H1-4: variants seen among roughly 807,000 people sequenced by gnomAD.
H1-4 encodes H1.4 linker histone, cluster member, also known as histone H1.4.
H1-4 carries 9 observed loss-of-function variants against 7.2 expected under a neutral mutation model. The observed-to-expected ratio is 1.25, with a 90% confidence interval of 0.75 to 2.18. The LOEUF (loss-of-function observed/expected upper bound fraction) is 2.18, where lower values mean the gene tolerates loss of function less well. Among genes scored for constraint, H1-4 ranks in the 30% most tolerant of loss-of-function variants. The probability of loss-of-function intolerance (pLI) is 0.00; values close to 1 mark genes in which losing one functional copy is unlikely to be tolerated. For synonymous variants in H1-4, 318 were observed against 126.6 expected (o/e 2.51, Z -10.15); for missense variants, 646 against 287.9 (o/e 2.24, Z -9.00).
Position 26,156,954 on chromosome 6 carries a change from A to G in H1-4, c.564A>G (p.Pro188=), listed in dbSNP as rs1328107627. 2.5e-6 allele frequency: 4 copies of G among 1,612,454 alleles called. No individual in the cohort carries two copies. The highest frequency in any genetic ancestry group is 2.2e-5 in the South Asian group (2 of 91,036). ...AAKPKKAPKS[P]AKAKAVKPKA... is the part of the protein sequence containing the mutation. Reference sequence around the variant, plus strand: ...AGCCAAAAAAGGCGCCCAAGAGCCCAGCGAAGGCCAAAGCAGTTAAACCCA... The same window carrying G: ...AGCCAAAAAAGGCGCCCAAGAGCCCGGCGAAGGCCAAAGCAGTTAAACCCA... The change falls in exon 1 of 1, where the codon CCA becomes CCG. Residue 188 remains proline, a synonymous_variant. Coordinates refer to ENST00000304218, the MANE Select transcript of H1-4 (RefSeq NM_005321.3).
Position 26,156,886 on chromosome 6 carries a change from G to A in H1-4, c.496G>A (p.Gly166Arg), listed in dbSNP as rs1214882457. The A allele has an allele frequency of 3.1e-6, 5 of 1,609,154 alleles. No individual in the cohort carries two copies. Among genetic ancestry groups the A allele is most frequent in the African/African-American group, 1.3e-5 (1 of 74,618 alleles). ...KKAKKPAAAA[G>R]AKKAKSPKKA... is the part of the protein sequence containing the mutation. ...GGCGAAGAAGCCGGCTGCAGCTGCT[G>A]GAGCCAAAAAAGCGAAAAGCCCGAA... Residue 166 changes from glycine to arginine, a missense_variant, in exon 1 of 1, where the codon GGA becomes AGA. Coordinates refer to ENST00000304218, the MANE Select transcript of H1-4 (RefSeq NM_005321.3).
In H1-4 at chr6:26,157,054, G is replaced by C. The variant is rs1279072658; in HGVS notation, c.*4G>C. The C allele has an allele frequency of 1.3e-6, 2 of 1,579,448 alleles. No homozygotes were observed. The highest frequency in any genetic ancestry group is 2.1e-5 in the Admixed American group (1 of 48,690). On this transcript the variant is annotated 3_prime_UTR_variant, in exon 1 of 1. Transcript: ENST00000304218. ...GGCGGCAGCCAAGAAAAAGTAGAAA[G>C]TTCCTTTGGCCAACTGCTTAGAAGC...
chr6:26,156,695 C>CG lies in H1-4; in HGVS notation c.308dup (p.Ser104PhefsTer16), dbSNP rs748822900. 3 of 1,614,236 alleles carry CG rather than the reference C, an allele frequency of 1.9e-6. No individual in the cohort carries two copies. The highest frequency in any genetic ancestry group is 2.5e-6 in the Non-Finnish European group (3 of 1,180,044). On this transcript the variant is annotated frameshift_variant, in exon 1 of 1. Transcript: ENST00000304218. LOFTEE classifies it high-confidence loss of function. Reference sequence around the variant, plus strand: ...GTGCAGACCAAGGGCACCGGCGCGTCGGGTTCCTTCAAACTCAACAAGAAG... The same window carrying CG: ...GTGCAGACCAAGGGCACCGGCGCGTCGGGGTTCCTTCAAACTCAACAAGAAG...
chr6:26,156,627 C>G lies in H1-4; in HGVS notation c.237C>G (p.Arg79=), dbSNP rs142100411. The G allele has an allele frequency of 1.9e-6, 3 of 1,614,254 alleles. No individual in the cohort carries two copies. The highest frequency in any genetic ancestry group is 2.5e-6 in the Non-Finnish European group (3 of 1,180,046). Residue 79 remains arginine, a synonymous_variant, in exon 1 of 1, where the codon CGC becomes CGG. Transcript: ENST00000304218. Reference sequence around the variant, plus strand: ...ATGACGTGGAGAAGAACAACAGCCGCATCAAGCTGGGTCTCAAGAGCCTGG... The same window carrying G: ...ATGACGTGGAGAAGAACAACAGCCGGATCAAGCTGGGTCTCAAGAGCCTGG... ...AGYDVEKNNS[R]IKLGLKSLVS...
At position 26,156,776 on chromosome 6, in the gene H1-4, A is replaced by G. The variant is rs747991651; in HGVS notation, c.386A>G (p.Lys129Arg). 1.2e-6 allele frequency: 2 copies of G among 1,612,916 alleles called. No individual in the cohort carries two copies. Among genetic ancestry groups the G allele is most frequent in the South Asian group, 1.1e-5 (1 of 91,040 alleles). The change falls in exon 1 of 1, where the codon AAG becomes AGG. Residue 129 changes from lysine to arginine, a missense_variant. Coordinates refer to ENST00000304218, the MANE Select transcript of H1-4 (RefSeq NM_005321.3). ...KAKKAGAAKA[K>R]KPAGAAKKPK... ...AAAAAGGCAGGCGCGGCCAAGGCCA[A>G]GAAGCCAGCAGGAGCGGCGAAGAAG...
rs35578662 is a variant in H1-4, at chr6:26,156,507, G to C, written c.117G>C (p.Pro39=). Residue 39 remains proline, a synonymous_variant, in exon 1 of 1, where the codon CCG becomes CCC. Coordinates refer to ENST00000304218, the MANE Select transcript of H1-4 (RefSeq NM_005321.3). ...GAAKRKASGP[P]VSELITKAVA... is the part of the protein sequence containing the mutation. ...CCAAGCGCAAAGCGTCTGGGCCCCC[G>C]GTGTCCGAGCTCATTACTAAAGCTG... 18 of 1,613,844 alleles carry C rather than the reference G, an allele frequency of 1.1e-5. No homozygotes were observed. The East Asian group carries it at 1.8e-4, about 16-fold the overall frequency.
In H1-4 at chr6:26,156,786, A is replaced by G. The variant is rs1561965775; in HGVS notation, c.396A>G (p.Ala132=). ...KAGAAKAKKP[A]GAAKKPKKAT... is the part of the protein sequence containing the mutation. The stretch of plus-strand genomic sequence containing the variant: ...GCGCGGCCAAGGCCAAGAAGCCAGC[A>G]GGAGCGGCGAAGAAGCCCAAGAAGG... The change falls in exon 1 of 1, where the codon GCA becomes GCG. Residue 132 remains alanine, a synonymous_variant. Transcript: ENST00000304218. The G allele has an allele frequency of 6.2e-7, 1 of 1,612,184 alleles. No homozygotes were observed. Among genetic ancestry groups the G allele is most frequent in the East Asian group, 2.2e-5 (1 of 44,816 alleles).
chr6:26,156,940 G>A lies in H1-4; in HGVS notation c.550G>A (p.Ala184Thr), dbSNP rs144800740. ...KKAKAAKPKK[A>T]PKSPAKAKAV... is the part of the protein sequence containing the mutation. ...GGCGAAAGCAGCCAAGCCAAAAAAGGCGCCCAAGAGCCCAGCGAAGGCCAA... is the reference window on the plus strand; with the variant it reads ...GGCGAAAGCAGCCAAGCCAAAAAAGACGCCCAAGAGCCCAGCGAAGGCCAA... The change falls in exon 1 of 1, where the codon GCG (alanine) becomes ACG (threonine). Residue 184 changes from alanine to threonine, a missense_variant. Physicochemically the swap from Ala to Thr is moderately conservative, Grantham distance 58 (BLOSUM62 0). Transcript: ENST00000304218. 7.1e-5 allele frequency: 114 copies of A among 1,612,272 alleles called. No homozygotes were observed. Among genetic ancestry groups the A allele is most frequent in the Non-Finnish European group, 9.2e-5 (109 of 1,179,860 alleles).
In H1-4 at chr6:26,157,087, A is replaced by G; in HGVS notation, c.*37A>G. On this transcript the variant is annotated 3_prime_UTR_variant, in exon 1 of 1. Coordinates refer to ENST00000304218, the MANE Select transcript of H1-4 (RefSeq NM_005321.3). ...GGCCAACTGCTTAGAAGCCCAACAC[A>G]ACCCAAAGGCTCTTTTCAGAGCCAC... The G allele has an allele frequency of 1.9e-6, 3 of 1,563,108 alleles. No individual in the cohort carries two copies. Among genetic ancestry groups the G allele is most frequent in the Non-Finnish European group, 1.7e-6 (2 of 1,164,358 alleles).
Position 26,156,863 on chromosome 6 carries a change from CGAA to C in H1-4, c.478_480del (p.Lys160del), listed in dbSNP as rs1027498524. On this transcript the variant is annotated inframe_deletion, in exon 1 of 1. Coordinates refer to ENST00000304218, the MANE Select transcript of H1-4 (RefSeq NM_005321.3). The stretch of plus-strand genomic sequence containing the variant: ...AGCGCCAAGAAGACCCCAAAGAAGG[CGAA>C]GAAGCCGGCTGCAGCTGCTGGAGCC... 4 of 1,607,146 alleles carry C rather than the reference CGAA, an allele frequency of 2.5e-6. No homozygotes were observed. The highest frequency in any genetic ancestry group is 1.7e-5 in the Admixed American group (1 of 58,554).
In H1-4 at chr6:26,156,534, T is replaced by A; in HGVS notation, c.144T>A (p.Val48=). 6.2e-7 allele frequency: 1 copy of A among 1,614,034 alleles called. No individual in the cohort carries two copies. Among genetic ancestry groups the A allele is most frequent in the East Asian group, 2.2e-5 (1 of 44,862 alleles). ...TGTCCGAGCTCATTACTAAAGCTGT[T>A]GCCGCCTCCAAGGAGCGCAGCGGCG... ...PPVSELITKA[V]AASKERSGVS... is the part of the protein sequence containing the mutation. Residue 48 remains valine (V), a synonymous_variant, in exon 1 of 1, where the codon GTT becomes GTA. Transcript: ENST00000304218.
Position 26,156,802 on chromosome 6 carries a change from C to T in H1-4, c.412C>T (p.Pro138Ser), listed in dbSNP as rs1581429398. ...AKKPAGAAKK[P>S]KKATGAATPK... Reference sequence around the variant, plus strand: ...GAAGCCAGCAGGAGCGGCGAAGAAGCCCAAGAAGGCGACGGGGGCGGCCAC... The same window carrying T: ...GAAGCCAGCAGGAGCGGCGAAGAAGTCCAAGAAGGCGACGGGGGCGGCCAC... The change falls in exon 1 of 1, where the codon CCC (proline) becomes TCC (serine). Residue 138 changes from proline to serine, a missense_variant. Pro to Ser is a moderately conservative substitution (Grantham distance 74, BLOSUM62 -1). Coordinates refer to ENST00000304218, the MANE Select transcript of H1-4 (RefSeq NM_005321.3). The T allele has an allele frequency of 1.9e-6, 3 of 1,609,942 alleles. No homozygotes were observed. Among genetic ancestry groups the T allele is most frequent in the Admixed American group, 1.7e-5 (1 of 59,092 alleles).
Position 26,156,520 on chromosome 6 carries a change from A to G in H1-4, c.130A>G (p.Ile44Val). The G allele has an allele frequency of 6.2e-7, 1 of 1,614,030 alleles. No homozygotes were observed. Among genetic ancestry groups the G allele is most frequent in the Non-Finnish European group, 8.5e-7 (1 of 1,179,996 alleles). ...GTCTGGGCCCCCGGTGTCCGAGCTC[A>G]TTACTAAAGCTGTTGCCGCCTCCAA... Reference protein sequence around the residue: ...KASGPPVSELITKAVAASKER... With the variant: ...KASGPPVSELVTKAVAASKER... Residue 44 changes from isoleucine to valine, a missense_variant, in exon 1 of 1, where the codon ATT becomes GTT. Transcript: ENST00000304218.
chr6:26,156,461 C>A lies in H1-4; in HGVS notation c.71C>A (p.Ala24Asp). 1.2e-6 allele frequency: 2 copies of A among 1,612,548 alleles called. No individual in the cohort carries two copies. Among genetic ancestry groups the A allele is most frequent in the Non-Finnish European group, 1.7e-6 (2 of 1,179,498 alleles). ...PAEKTPVKKK[A>D]RKSAGAAKRK... Reference sequence around the variant, plus strand: ...GAGAAGACTCCCGTGAAGAAGAAGGCCCGCAAGTCTGCAGGTGCGGCCAAG... The same window carrying A: ...GAGAAGACTCCCGTGAAGAAGAAGGACCGCAAGTCTGCAGGTGCGGCCAAG... The change falls in exon 1 of 1, where the codon GCC becomes GAC. Residue 24 changes from alanine (A) to aspartate (D), a missense_variant. By Grantham distance (126) the Ala-to-Asp change is moderately radical (BLOSUM62 -2). Transcript: ENST00000304218.
At position 26,156,686 on chromosome 6, in the gene H1-4, C is replaced by T. The variant is rs1191937963; in HGVS notation, c.296C>T (p.Thr99Ile). Residue 99 changes from threonine to isoleucine, a missense_variant, in exon 1 of 1, where the codon ACC (threonine) becomes ATC (isoleucine). Transcript: ENST00000304218. ...SKGTLVQTKG[T>I]GASGSFKLNK... ...GGCACCCTGGTGCAGACCAAGGGCA[C>T]CGGCGCGTCGGGTTCCTTCAAACTC... The T allele has an allele frequency of 9.9e-6, 16 of 1,614,130 alleles. No individual in the cohort carries two copies. The highest frequency in any genetic ancestry group is 2.7e-5 in the African/African-American group (2 of 74,952).
chr6:26,156,369 C>G lies in H1-4; in HGVS notation c.-22C>G, dbSNP rs375482391. ...GCCTCTGCTTCCGGCTCGAATTGCT[C>G]TCGCTCACGCTTGCCTTCAACATGT... is the stretch of plus-strand genomic sequence containing the variant. On this transcript the variant is annotated 5_prime_UTR_variant, in exon 1 of 1. Transcript: ENST00000304218. The G allele has an allele frequency of 3.4e-5, 52 of 1,528,532 alleles. No individual in the cohort carries two copies. Among genetic ancestry groups the G allele is most frequent in the East Asian group, 2.3e-4 (10 of 44,150 alleles). The allele number at this position is 1,528,532 out of a possible 1,614,324, so 94.7% of individuals were successfully genotyped here.
chr6:26,156,375 C>CACGCTT lies in H1-4; in HGVS notation c.-15_-10dup. On this transcript the variant is annotated 5_prime_UTR_variant, in exon 1 of 1. Transcript: ENST00000304218. Reference sequence around the variant, plus strand: ...GCTTCCGGCTCGAATTGCTCTCGCTCACGCTTGCCTTCAACATGTCCGAGA... The same window carrying CACGCTT: ...GCTTCCGGCTCGAATTGCTCTCGCTCACGCTTACGCTTGCCTTCAACATGTCCGAGA... 2.0e-6 allele frequency: 3 copies of CACGCTT among 1,538,032 alleles called. No individual in the cohort carries two copies. The highest frequency in any genetic ancestry group is 2.6e-6 in the Non-Finnish European group (3 of 1,147,024).
rs2113826857 is a variant in H1-4, at chr6:26,156,783, A to C, written c.393A>C (p.Pro131=). ...KKAGAAKAKK[P]AGAAKKPKKA... ...CAGGCGCGGCCAAGGCCAAGAAGCCAGCAGGAGCGGCGAAGAAGCCCAAGA... is the reference window on the plus strand; with the variant it reads ...CAGGCGCGGCCAAGGCCAAGAAGCCCGCAGGAGCGGCGAAGAAGCCCAAGA... Residue 131 remains proline, a synonymous_variant, in exon 1 of 1, where the codon CCA becomes CCC. Transcript: ENST00000304218. The C allele has an allele frequency of 1.9e-6, 3 of 1,612,632 alleles. No individual in the cohort carries two copies. Among genetic ancestry groups the C allele is most frequent in the Non-Finnish European group, 2.5e-6 (3 of 1,179,350 alleles).
chr6:26,157,009 A>G lies in H1-4; in HGVS notation c.619A>G (p.Lys207Glu). ...KAAKPKTAKP[K>E]AAKPKKAAAK... ...GGCTAAACCAAAGACCGCCAAGCCC[A>G]AGGCAGCCAAGCCAAAGAAGGCGGC... The change falls in exon 1 of 1, where the codon AAG becomes GAG. Residue 207 changes from lysine to glutamate, a missense_variant. Coordinates refer to ENST00000304218, the MANE Select transcript of H1-4 (RefSeq NM_005321.3). 6.3e-7 allele frequency: 1 copy of G among 1,590,730 alleles called. No individual in the cohort carries two copies. Among genetic ancestry groups the G allele is most frequent in the Non-Finnish European group, 8.5e-7 (1 of 1,174,340 alleles).
Sources: allele counts gnomAD v4.1 joint callset, GRCh38; gene constraint gnomAD v4.1.1; transcripts MANE v1.5; gene names NCBI Gene and HGNC (gene_info 2026-07-23, HGNC 2026-07-21).